Variants in CNTNAP5 observed in about 807,000 individuals in gnomAD.
CNTNAP5 encodes contactin associated protein family member 5, also known as contactin-associated protein-like 5.
A neutral mutation model predicts 150.2 loss-of-function variants in CNTNAP5; 72 were observed. That is an observed-to-expected ratio of 0.48 (90% CI 0.40 to 0.58). The LOEUF (loss-of-function observed/expected upper bound fraction) is 0.58, where lower values mean the gene tolerates loss of function less well. Ranked by LOEUF, CNTNAP5 falls within the 20% of genes least tolerant of loss-of-function variation. CNTNAP5 has a pLI of 0.00. For missense variants in CNTNAP5, 1,636 were observed against 1,626.2 expected (o/e 1.01, Z -0.10); for synonymous variants, 672 against 619.8 (o/e 1.08, Z -1.25).
At chr2:124,179,494 T>C (rs1200559730) in intron 1 of CNTNAP5, among the ~76,000 whole-genome samples, 2 of 152,222 alleles carry the variant, frequency 1.3e-5, no homozygotes, top group African/African-American at 4.8e-5. Flanking sequence ...ACATCAATTT[T>C]GCTTAGGAAA....
At chr2:124,737,920 A>T (rs925166965) in intron 13 of CNTNAP5, among the ~76,000 whole-genome samples, 6 of 85,676 alleles carry the variant, frequency 7.0e-5, no homozygotes, top group African/African-American at 1.4e-4. Flanking sequence ...CTAGAACATT[A>T]AAAAAAAGCA....
At chr2:124,088,330 C>T (rs923161258) in intron 1 of CNTNAP5, among the ~76,000 whole-genome samples, 5 of 152,040 alleles carry the variant, frequency 3.3e-5, no homozygotes, top group African/African-American at 7.2e-5. Flanking sequence ...TTTGGTGAGG[C>T]TCTTTTCCAG....
At chr2:124,123,592 G>T (rs1006863528) in intron 1 of CNTNAP5, among the ~76,000 whole-genome samples, 6 of 152,160 alleles carry the variant, frequency 3.9e-5, no homozygotes, top group African/African-American at 1.4e-4. Context: ...TATGAGAACG[G>T]ACAGAATGCC....
At chr2:124,181,666 C>T (rs562056527) in intron 1 of CNTNAP5, among the ~76,000 whole-genome samples, 2 of 152,298 alleles carry the variant, frequency 1.3e-5, no homozygotes, top group East Asian at 3.9e-4. Flanking sequence ...TATGTATGTA[C>T]TTGAGCAAGT....
rs1558746974 is a variant in CNTNAP5, at chr2:124,713,323, CTTTCTTTCTTTCTTT to C, written c.2078-33905_2078-33891del. On this transcript the variant is annotated intron_variant, in intron 13 of 23. Transcript: ENST00000682447. ...TTTCTTCTTTCTCTTTCTTTCCTTT[CTTTCTTTCTTTCTTT>C]CTTTCTTTCTTTCTTTCTTTCTTTC... 2.7e-3 allele frequency among the ~76,000 whole-genome samples: 112 copies of C among 42,024 alleles called. 16 individuals are homozygous for C. The highest frequency in any genetic ancestry group is 1.1e-3 in the South Asian group (1 of 922). 27.6% of individuals were successfully genotyped at this position (42,024 alleles called of 152,430 possible). A position where few individuals can be genotyped will look rare whatever the true frequency, so the allele number is the denominator to read the frequency against.
chr2:124,025,845 A>G lies in CNTNAP5; in HGVS notation c.82+113A>G, dbSNP rs984468135. On this transcript the variant is annotated intron_variant, in intron 1 of 23. Transcript: ENST00000682447. ...TGTCTGCTTTGGGCAAAGGAAACGG[A>G]AAAAAAATGCTGATCAGTGTGGTTC... The G allele has an allele frequency of 1.1e-5, 10 of 902,440 alleles. No homozygotes were observed. In the African/African-American group the frequency reaches 1.5e-4, roughly 13 times the overall value. The allele number at this position is 902,440 out of a possible 1,614,324, so 55.9% of individuals were successfully genotyped here.
chr2:124,626,474 G>T (rs574597959), intron 12 of CNTNAP5, among the ~76,000 whole-genome samples: 1 of 152,112 alleles, frequency 6.6e-6, no homozygotes, highest in Admixed American at 6.5e-5. Flanking sequence ...TGCACTGAGT[G>T]GGTGTACCTC....
At chr2:124,259,201 C>T (rs529175661) in intron 3 of CNTNAP5, among the ~76,000 whole-genome samples, 12 of 152,032 alleles carry the variant, frequency 7.9e-5, no homozygotes, top group Admixed American at 3.3e-4. Context: ...CCTTTTTTAC[C>T]GCTGCATAGT....
intron 19 of CNTNAP5, among the ~76,000 whole-genome samples, chr2:124,822,492 A>C (rs1016268019): frequency 3.3e-5 from 5 of 152,200 alleles, no homozygotes; most frequent in African/African-American, 9.6e-5. Context: ...TGAGTTGTTC[A>C]TGAGAAAACA....
intron 1 of CNTNAP5, among the ~76,000 whole-genome samples, chr2:124,205,431 T>G (rs1416004431): frequency 6.6e-6 from 1 of 151,600 alleles, no homozygotes; most frequent in Non-Finnish European, 1.5e-5. Flanking sequence ...CTTTTTTTTT[T>G]TTTTGGAAAT....
chr2:124,320,372 C>A (rs1375311404), intron 3 of CNTNAP5, among the ~76,000 whole-genome samples: 1 of 152,196 alleles, frequency 6.6e-6, no homozygotes, highest in East Asian at 1.9e-4. Context: ...ATCCCATTGT[C>A]ACTGTAATTT....
At chr2:124,800,706 A>G (rs1681949109) in intron 19 of CNTNAP5, among the ~76,000 whole-genome samples, 1 of 152,186 alleles carries the variant, frequency 6.6e-6, no homozygotes. Context: ...TTACTCTATT[A>G]AAAGCTGCCT....
Position 124,527,226 on chromosome 2 carries a change from G to T in CNTNAP5, c.1478-59G>T, listed in dbSNP as rs149728848. On this transcript the variant is annotated intron_variant, in intron 9 of 23. Transcript: ENST00000682447. ...CCTCAAGGTCTTCCATCAATAGGTC[G>T]CCAAAGCAATGACGGATCATTTCAG... 2.7e-6 allele frequency: 4 copies of T among 1,499,834 alleles called. No homozygotes were observed. The African/African-American group carries it at 4.2e-5, about 16-fold the overall frequency. 92.9% of individuals were successfully genotyped at this position (1,499,834 alleles called of 1,614,324 possible).
In CNTNAP5 at chr2:124,915,900, G is replaced by C. The variant is rs76016140; in HGVS notation, c.*1612G>C. Among the ~76,000 whole-genome samples the C allele has an allele frequency of 1.3e-4, 20 of 152,152 alleles. No homozygotes were observed. The highest frequency in any genetic ancestry group is 1.1e-3 in the Admixed American group (17 of 15,272). ...GAAATGCTCATGTAATGATTCTTAG[G>C]TGTGGAAAATACTTGCTGATTCTCT... On this transcript the variant is annotated 3_prime_UTR_variant, in exon 24 of 24. Coordinates refer to ENST00000682447, the MANE Select transcript of CNTNAP5 (RefSeq NM_001367498.1).
In CNTNAP5 at chr2:124,860,493, TTCCTTCC is replaced by T. The variant is rs1558803930; in HGVS notation, c.3218-4811_3218-4805del. 4.1e-4 allele frequency among the ~76,000 whole-genome samples: 44 copies of T among 108,564 alleles called. 1 individual carries two copies. The highest frequency in any genetic ancestry group is 2.9e-4 in the South Asian group (1 of 3,418). 71.2% of individuals were successfully genotyped at this position (108,564 alleles called of 152,430 possible). A position where few individuals can be genotyped will look rare whatever the true frequency, so the allele number is the denominator to read the frequency against. ...CTTCCTTCCTTCCTTCCTTCCTTCC[TTCCTTCC>T]TTCTTTCCTTCCTTCCTTCCTTCCT... is the stretch of plus-strand genomic sequence containing the variant. On this transcript the variant is annotated intron_variant, in intron 19 of 23. Transcript: ENST00000682447.
intron 1 of CNTNAP5, among the ~76,000 whole-genome samples, chr2:124,185,966 T>C (rs1292945162): frequency 6.6e-6 from 1 of 152,246 alleles, no homozygotes; most frequent in African/African-American, 2.4e-5. Context: ...GACATACGTG[T>C]ATACTCCTAT....
intron 10 of CNTNAP5, among the ~76,000 whole-genome samples, chr2:124,533,696 C>G (rs1695164385): frequency 6.6e-6 from 1 of 152,198 alleles, no homozygotes; most frequent in African/African-American, 2.4e-5. Context: ...GTTTCTTCTG[C>G]CTCTGAGCTT....
At chr2:124,700,690 G>GT (rs959476384) in intron 13 of CNTNAP5, among the ~76,000 whole-genome samples, 9 of 151,952 alleles carry the variant, frequency 5.9e-5, no homozygotes, top group South Asian at 2.1e-4. Flanking sequence ...TTTGCAAGAG[G>GT]TTTTTTTATG....
At chr2:124,728,336 G>A (rs1444085188) in intron 13 of CNTNAP5, among the ~76,000 whole-genome samples, 1 of 152,012 alleles carries the variant, frequency 6.6e-6, no homozygotes, top group Non-Finnish European at 1.5e-5. Flanking sequence ...TCAATTTACG[G>A]AAGTAAGAGT....
Sources: allele counts gnomAD v4.1 joint callset (sites outside exome capture counted in the v4.1 genomes callset), GRCh38; gene constraint gnomAD v4.1.1; transcripts MANE v1.5; gene names NCBI Gene and HGNC (gene_info 2026-07-23, HGNC 2026-07-21).